The following KCNMA1 variants were observed in gnomAD, a reference collection of about 807,000 sequenced individuals.
KCNMA1 encodes the protein potassium calcium-activated channel subfamily M alpha 1, also known as Calcium-activated potassium channel subunit alpha-1.
In KCNMA1, 29 loss-of-function variants were observed where a neutral mutation model predicts 140.0. The observed-to-expected ratio is 0.21, with a 90% CI of 0.15 to 0.28. The LOEUF (loss-of-function observed/expected upper bound fraction) is 0.28. Among genes scored for constraint, KCNMA1 ranks in the 10% least tolerant of loss-of-function variants. The probability of loss-of-function intolerance (pLI) is 1.00; values close to 1 mark genes in which losing one functional copy is unlikely to be tolerated. For synonymous variants in KCNMA1, 612 were observed against 611.9 expected (o/e 1.00, Z 0.00); for missense variants, 880 against 1,602.2 (o/e 0.55, Z 7.70).
intron 7 of KCNMA1, among the ~76,000 whole-genome samples, chr10:77,110,899 T>C (rs1386317047): frequency 2.0e-5 from 3 of 152,224 alleles, no homozygotes; most frequent in Non-Finnish European, 4.4e-5. Flanking sequence ...CTCTCCCTCC[T>C]TTGCAAATTG....
At chr10:77,305,571 G>A (rs583507) in intron 2 of KCNMA1, among the ~76,000 whole-genome samples, 75,056 of 151,932 alleles carry the variant, frequency 0.49, 19,394 homozygotes, top group Non-Finnish European at 0.57. Flanking sequence ...TTTAATGCAA[G>A]ACCCACATAG....
intron 1 of KCNMA1, among the ~76,000 whole-genome samples, chr10:77,604,204 A>G (rs2083601457): frequency 6.6e-6 from 1 of 152,198 alleles, no homozygotes; most frequent in Non-Finnish European, 1.5e-5. Flanking sequence ...AGTGGTAGGG[A>G]CAGGATTCAA....
At chr10:76,987,797 C>A (rs1206794400) in intron 19 of KCNMA1, among the ~76,000 whole-genome samples, 1 of 25,518 alleles carries the variant, frequency 3.9e-5, no homozygotes. Flanking sequence ...TGGTTGAGGC[C>A]AAACTGCAAA....
At chr10:76,914,452 G>A (rs1014586080) in intron 24 of KCNMA1, 18 of 441,686 alleles carry the variant, frequency 4.1e-5, no homozygotes, top group Admixed American at 1.6e-4. Flanking sequence ...ACTACGATAC[G>A]TTAAATGTCA....
intron 1 of KCNMA1, among the ~76,000 whole-genome samples, chr10:77,512,086 C>T (rs2048605071): frequency 6.6e-6 from 1 of 152,182 alleles, no homozygotes; most frequent in Admixed American, 6.5e-5. Flanking sequence ...GGCATGAAGG[C>T]CAAATGTCTT....
intron 2 of KCNMA1, among the ~76,000 whole-genome samples, chr10:77,395,008 A>G (rs971126917): frequency 1.2e-4 from 18 of 152,188 alleles, no homozygotes; most frequent in Admixed American, 1.1e-3. Flanking sequence ...TGAATTTCAT[A>G]TAGCTTTCAC....
intron 3 of KCNMA1, among the ~76,000 whole-genome samples, chr10:77,185,925 G>C (rs2098846120): frequency 6.6e-6 from 1 of 152,152 alleles, no homozygotes; most frequent in Admixed American, 6.5e-5. Flanking sequence ...GTGAGGGAAA[G>C]GAGACAGAAT....
intron 2 of KCNMA1, among the ~76,000 whole-genome samples, chr10:77,393,655 T>TG (rs2095923950): frequency 6.6e-6 from 1 of 152,196 alleles, no homozygotes; most frequent in Admixed American, 6.5e-5. Flanking sequence ...CTTCCCAAGA[T>TG]GGGTGTCCCA....
chr10:77,447,825 C>T (rs2097557444), intron 1 of KCNMA1, among the ~76,000 whole-genome samples: 1 of 152,220 alleles, frequency 6.6e-6, no homozygotes, highest in African/African-American at 2.4e-5. Flanking sequence ...TAGGTGCCAA[C>T]AGCATCTCTC....
At chr10:77,424,756 T>C (rs2096940533) in intron 1 of KCNMA1, among the ~76,000 whole-genome samples, 1 of 152,218 alleles carries the variant, frequency 6.6e-6, no homozygotes, top group African/African-American at 2.4e-5. Context: ...TGGTGGTATT[T>C]CTGCTGAGCC....
intron 6 of KCNMA1, among the ~76,000 whole-genome samples, chr10:77,116,448 C>T (rs1450396288): frequency 1.3e-5 from 2 of 152,136 alleles, no homozygotes; most frequent in East Asian, 1.9e-4. Flanking sequence ...ACAGAAAATG[C>T]CATGCACTTT....
At chr10:76,950,739 T>C (rs2065928871) in intron 21 of KCNMA1, among the ~76,000 whole-genome samples, 1 of 152,228 alleles carries the variant, frequency 6.6e-6, no homozygotes, top group South Asian at 2.1e-4. Flanking sequence ...GTTATTACAG[T>C]AACCCCCAAG....
intron 1 of KCNMA1, among the ~76,000 whole-genome samples, chr10:77,439,305 C>T (rs1002394771): frequency 2.6e-5 from 4 of 152,204 alleles, no homozygotes; most frequent in African/African-American, 7.2e-5. Flanking sequence ...CAAAGATTGT[C>T]TCCTTTGGTT....
At chr10:77,206,236 A>C (rs1018288199) in intron 3 of KCNMA1, among the ~76,000 whole-genome samples, 1 of 152,228 alleles carries the variant, frequency 6.6e-6, no homozygotes, top group African/African-American at 2.4e-5. Context: ...CCATTTTTAA[A>C]ACTGAAAAAA....
intron 1 of KCNMA1, among the ~76,000 whole-genome samples, chr10:77,529,918 A>T (rs1799678350): frequency 6.6e-6 from 1 of 152,158 alleles, no homozygotes; most frequent in African/African-American, 2.4e-5. Flanking sequence ...GGCTCTCCCC[A>T]CCTCTTACCT....
chr10:76,986,718 AATTT>A (rs1565379432), intron 19 of KCNMA1, among the ~76,000 whole-genome samples: 1 of 152,194 alleles, frequency 6.6e-6, no homozygotes, highest in African/African-American at 2.4e-5. Flanking sequence ...TAAATATCCA[AATTT>A]ATTTGGGATA....
rs1589504186 is a variant in KCNMA1 at position 76,885,691 on chromosome 10, T to C, written c.*1575A>G. On this transcript the variant is annotated 3_prime_UTR_variant, in exon 28 of 28. Transcript: ENST00000286628. ...TGTATATACCAGCCTAGTCCATCCA[T>C]AAGGGAAATTGGTTATGGTGAATTG... 3 of 985,358 alleles carry C rather than the reference T, an allele frequency of 3.0e-6. No homozygotes were observed. Among genetic ancestry groups the C allele is most frequent in the Non-Finnish European group, 3.6e-6 (3 of 829,904 alleles). 61.0% of individuals were successfully genotyped at this position (985,358 alleles called of 1,614,324 possible).
At chr10:77,590,506 C>A (rs1220688748) in intron 1 of KCNMA1, among the ~76,000 whole-genome samples, 1 of 152,236 alleles carries the variant, frequency 6.6e-6, no homozygotes, top group African/African-American at 2.4e-5. Flanking sequence ...GAGCCCACAC[C>A]CACCCGGAAC....
At chr10:77,410,011 G>A (rs2096583039) in intron 1 of KCNMA1, among the ~76,000 whole-genome samples, 1 of 152,140 alleles carries the variant, frequency 6.6e-6, no homozygotes. Context: ...ACAAACGGCA[G>A]GCAAGTGGAG....
Sources: gnomAD v4.1 joint callset for allele counts (sites outside exome capture counted in the v4.1 genomes callset) on GRCh38, gnomAD v4.1.1 for gene constraint, MANE v1.5 for transcripts, NCBI Gene and HGNC (gene_info 2026-07-23, HGNC 2026-07-21) for gene names.